ZMYM5: variants seen among roughly 807,000 people sequenced by gnomAD.
ZMYM5 encodes zinc finger MYM-type containing 5.
Under a neutral mutation model 61.8 loss-of-function variants are expected in ZMYM5, and 41 were observed. That is an observed-to-expected ratio of 0.66 (90% confidence interval 0.52 to 0.86). ZMYM5 has a LOEUF of 0.86. Ranked by LOEUF, ZMYM5 falls within the 40% of genes least tolerant of loss-of-function variation. ZMYM5 has a pLI of 0.00. For synonymous variants in ZMYM5, 257 were observed against 276.4 expected (o/e 0.93, Z 0.70); for missense variants, 706 against 786.7 (o/e 0.90, Z 1.23).
Position 19,824,274 on chromosome 13 carries a change from A to T in ZMYM5, c.*203T>A, listed in dbSNP as rs1410319874. On this transcript the variant is annotated 3_prime_UTR_variant, in exon 8 of 8. Transcript: ENST00000337963. ...CATTGCCTAATGAAGTCATTGCCTA[A>T]TGATGATTGAATCTAATTAGTTTTA... The T allele has an allele frequency of 4.6e-6, 1 of 218,530 alleles. No homozygotes were observed. The highest frequency in any genetic ancestry group is 6.2e-5 in the Admixed American group (1 of 16,152). 13.5% of individuals were successfully genotyped at this position (218,530 alleles called of 1,614,324 possible).
At chr13:19,843,835 C>CA (rs550862924) in intron 4 of ZMYM5, among the ~76,000 whole-genome samples, 1,513 of 78,210 alleles carry the variant, frequency 0.019, 16 homozygotes, top group South Asian at 0.061. Context: ...GACTCTGTCT[C>CA]AAAAAAAAAA....
At chr13:19,846,314 T>C (rs868864902) in intron 4 of ZMYM5, among the ~76,000 whole-genome samples, 2 of 152,320 alleles carry the variant, frequency 1.3e-5, no homozygotes, top group African/African-American at 4.8e-5. Flanking sequence ...CTTGCACAGT[T>C]GCTGGACTAT....
At position 19,843,947 on chromosome 13, in the gene ZMYM5, A is replaced by AAC. The variant is rs567883486; in HGVS notation, c.587-4964_587-4963dup. 3.3e-3 allele frequency among the ~76,000 whole-genome samples: 505 copies of AAC among 151,748 alleles called. 2 individuals carry two copies. Among genetic ancestry groups the AAC allele is most frequent in the South Asian group, 0.026 (125 of 4,818 alleles). ...CAGGGGATCGGACCATCCTGGCTAT[A>AAC]ACATGGTGAAACCCTGTCTCTTCCA... On this transcript the variant is annotated intron_variant, in intron 4 of 7. Coordinates refer to ENST00000337963, the MANE Select transcript of ZMYM5 (RefSeq NM_001142684.2).
chr13:19,852,013 A>G lies in ZMYM5; in HGVS notation c.168T>C (p.Asp56=). The G allele has an allele frequency of 6.2e-7, 1 of 1,613,978 alleles. No homozygotes were observed. Among genetic ancestry groups the G allele is most frequent in the Non-Finnish European group, 8.5e-7 (1 of 1,180,004 alleles). Residue 56 remains aspartate, a synonymous_variant, in exon 3 of 8, where the codon GAT becomes GAC. Coordinates refer to ENST00000337963, the MANE Select transcript of ZMYM5 (RefSeq NM_001142684.2). The part of the protein sequence containing the change: ...SRNSPVEDDD[D]DDDVVFIESI... The stretch of plus-strand genomic sequence containing the variant: ...ATTCAATAAACACAACATCATCATC[A>G]TCATCATCATCTTCCACTGGTGAGT...
intron 3 of ZMYM5, 81 bp from the exon 4 acceptor site, chr13:19,851,529 A>G: frequency 5.1e-6 from 8 of 1,571,034 alleles, no homozygotes; most frequent in Non-Finnish European, 5.2e-6. Context: ...ACATCTCCCA[A>G]GTTGGTATTC....
At chr13:19,833,088 A>ATT (rs1187844363) in intron 7 of ZMYM5, among the ~76,000 whole-genome samples, 1 of 152,106 alleles carries the variant, frequency 6.6e-6, no homozygotes, top group Non-Finnish European at 1.5e-5. Flanking sequence ...GCTTTCTTAA[A>ATT]TATTAGGTGC....
At chr13:19,830,277 AAT>A (rs1891135775) in intron 7 of ZMYM5, among the ~76,000 whole-genome samples, 1 of 152,220 alleles carries the variant, frequency 6.6e-6, no homozygotes, top group Non-Finnish European at 1.5e-5. Context: ...ATCACTTGAA[AAT>A]ACTCATGTGT....
intron 7 of ZMYM5, among the ~76,000 whole-genome samples, chr13:19,829,835 A>G (rs1891115457): frequency 6.6e-6 from 1 of 151,978 alleles, no homozygotes; most frequent in African/African-American, 2.4e-5. Context: ...CTATTTACTG[A>G]CTTTTTTTTC....
In ZMYM5 at chr13:19,837,595, A is replaced by G. The variant is rs1376353429; in HGVS notation, c.1038+61T>C. 1.9e-6 allele frequency: 3 copies of G among 1,605,840 alleles called. No homozygotes were observed. The African/African-American group carries it at 4.0e-5, about 22-fold the overall frequency. ...TGTAGATGAAAGAGTACATAATAGCACTTAAAAGTTAAAATTATCACTGTT... is the reference window on the plus strand; with the variant it reads ...TGTAGATGAAAGAGTACATAATAGCGCTTAAAAGTTAAAATTATCACTGTT... On this transcript the variant is annotated intron_variant, in intron 6 of 7. Coordinates refer to ENST00000337963, the MANE Select transcript of ZMYM5 (RefSeq NM_001142684.2).
At chr13:19,860,713 C>T (rs1200075317) in intron 2 of ZMYM5, among the ~76,000 whole-genome samples, 1 of 151,862 alleles carries the variant, frequency 6.6e-6, no homozygotes, top group Admixed American at 6.6e-5. Context: ...GCTGGGATTA[C>T]AGGTGTGAGC....
chr13:19,845,422 G>A (rs895927677), intron 4 of ZMYM5, among the ~76,000 whole-genome samples: 7 of 152,106 alleles, frequency 4.6e-5, no homozygotes, highest in Non-Finnish European at 1.0e-4. Context: ...GTATGCATTT[G>A]GTCACCTTCA....
rs1241485503 is a variant in ZMYM5 at position 19,852,168 on chromosome 13, A to C, written c.13T>G (p.Ser5Ala). 3 of 1,594,426 alleles carry C rather than the reference A, an allele frequency of 1.9e-6. No homozygotes were observed. The highest frequency in any genetic ancestry group is 2.6e-6 in the Non-Finnish European group (3 of 1,173,762). Residue 5 changes from serine (S) to alanine (A), a missense_variant, in exon 3 of 8, where the codon TCA (serine) becomes GCA (alanine). Physicochemically the swap from Ser to Ala is moderately conservative, Grantham distance 99. Coordinates refer to ENST00000337963, the MANE Select transcript of ZMYM5 (RefSeq NM_001142684.2). ...TCAGTCAACTCTAATCCTCCCACTG[A>C]ACATTTTTCCATGCCAATGAACCTG... MEKCSVGGLELTEQT... is the reference protein window; with the variant it reads MEKCAVGGLELTEQT...
chr13:19,846,752 CCCCTTTT>C (rs1953086207), intron 4 of ZMYM5, among the ~76,000 whole-genome samples: 2 of 149,874 alleles, frequency 1.3e-5, no homozygotes, highest in African/African-American at 5.0e-5. Flanking sequence ...ATACAGTCCC[CCCCTTTT>C]TTTTAAGGAA....
intron 4 of ZMYM5, among the ~76,000 whole-genome samples, chr13:19,848,890 A>G (rs1431996570): frequency 6.6e-6 from 1 of 152,122 alleles, no homozygotes; most frequent in East Asian, 1.9e-4. Context: ...ATACCTGGCT[A>G]AAGCTTTAAT....
At chr13:19,837,344 A>AC in intron 6 of ZMYM5, 1 of 1,173,840 alleles carries the variant, frequency 8.5e-7, no homozygotes, top group Non-Finnish European at 1.1e-6. Context: ...CCAGCCCTTG[A>AC]CCCCCAACTC....
chr13:19,839,491 C>A (rs987736875), intron 4 of ZMYM5, among the ~76,000 whole-genome samples: 4 of 151,970 alleles, frequency 2.6e-5, no homozygotes. Flanking sequence ...CAGGTTCAAG[C>A]GATTTTCCTG....
chr13:19,834,611 G>A (rs777818933), intron 7 of ZMYM5, among the ~76,000 whole-genome samples: 15 of 152,180 alleles, frequency 9.9e-5, no homozygotes, highest in Non-Finnish European at 1.9e-4. Flanking sequence ...AGAATGTAGA[G>A]CAACTAGAAT....
chr13:19,843,092 A>C (rs1407456700), intron 4 of ZMYM5, among the ~76,000 whole-genome samples: 1 of 151,534 alleles, frequency 6.6e-6, no homozygotes, highest in Admixed American at 6.6e-5. Context: ...CTGCAATTAC[A>C]GGCGTGAGCC....
At chr13:19,831,625 G>A (rs971821412) in intron 7 of ZMYM5, among the ~76,000 whole-genome samples, 3 of 150,876 alleles carry the variant, frequency 2.0e-5, no homozygotes, top group Non-Finnish European at 3.0e-5. Context: ...GTGAAACCCC[G>A]TCCGTCTCTA....
Sources: allele counts gnomAD v4.1 joint callset (sites outside exome capture counted in the v4.1 genomes callset), GRCh38; gene constraint gnomAD v4.1.1; transcripts MANE v1.5; gene names NCBI Gene and HGNC (gene_info 2026-07-23, HGNC 2026-07-21).